The following PPL variants were observed in gnomAD, a reference collection of about 807,000 sequenced individuals.
PPL encodes the protein 190 kDa paraneoplastic pemphigus antigen.
PPL carries 198 observed loss-of-function variants against 194.4 expected under a neutral mutation model. The ratio of observed to expected loss-of-function variants is 1.02; its 90% CI spans 0.91 to 1.15. The LOEUF is 1.15. Among genes scored for constraint, PPL ranks in the 50% most tolerant of loss-of-function variants. PPL has a pLI of 0.00. For synonymous variants in PPL, 1,220 were observed against 972.4 expected (o/e 1.25, Z -4.74); for missense variants, 2,885 against 2,294.8 (o/e 1.26, Z -5.25).
rs145835578 is a variant in PPL, at chr16:4,919,974, T to C, written c.63-9025A>G. On this transcript the variant is annotated intron_variant, in intron 1 of 21. Transcript: ENST00000345988. ...AAGTGTATTTGTGGGGTGGGGGTAA[T>C]CAGGGTCACTTTTAGAAACACCTCA... Among the ~76,000 whole-genome samples, 145 of 151,584 alleles carry C rather than the reference T, an allele frequency of 9.6e-4. 2 individuals are homozygous for C. Among genetic ancestry groups the C allele is most frequent in the Middle Eastern group, 3.4e-3 (1 of 294 alleles).
At chr16:4,889,230 TTG>T (rs1555519103) in intron 18 of PPL, among the ~76,000 whole-genome samples, 169 bp from the exon 19 acceptor site, 2 of 68,294 alleles carry the variant, frequency 2.9e-5, no homozygotes, top group African/African-American at 8.8e-5. Context: ...GGCAGTTTTT[TTG>T]TTGTTGTTGT....
At chr16:4,893,133 G>A in intron 14 of PPL, 80 bp downstream of exon 14, 2 of 1,419,312 alleles carry the variant, frequency 1.4e-6, no homozygotes, top group African/African-American at 1.4e-5. Flanking sequence ...GACTCCATGG[G>A]GAAAAGACCT....
At position 4,888,172 on chromosome 16, in the gene PPL, T is replaced by C; in HGVS notation, c.2444A>G (p.Glu815Gly). The change falls in exon 20 of 22, where the codon GAG (glutamate) becomes GGG (glycine). Residue 815 changes from glutamate to glycine, a missense_variant. Glu to Gly is a moderately conservative substitution (Grantham distance 98). Transcript: ENST00000345988. ...AEKLRSLLDL[E>G]NGRRSHVSKR... Reference sequence around the variant, plus strand: ...GCTCACGTGGCTTCTCCTTCCATTCTCCAAGTCGAGAAGAGACCTTAGTTT... The same window carrying C: ...GCTCACGTGGCTTCTCCTTCCATTCCCCAAGTCGAGAAGAGACCTTAGTTT... 6.2e-7 allele frequency: 1 copy of C among 1,613,836 alleles called. No individual in the cohort carries two copies. Among genetic ancestry groups the C allele is most frequent in the Non-Finnish European group, 8.5e-7 (1 of 1,179,720 alleles).
Position 4,894,449 on chromosome 16 carries a change from C to A in PPL, c.1394+18G>T, listed in dbSNP as rs1333342356. On this transcript the variant is annotated intron_variant, in intron 12 of 21. Coordinates refer to ENST00000345988, the MANE Select transcript of PPL (RefSeq NM_002705.5). ...GGGTGGGACTGGTCCATGCAGACTC[C>A]CGCCTTTGCCCTTGTACCTGTCAGC... is the stretch of plus-strand genomic sequence containing the variant. The A allele has an allele frequency of 1.9e-6, 3 of 1,613,228 alleles. No individual in the cohort carries two copies. In the South Asian group the frequency reaches 3.3e-5, roughly 18 times the overall value.
Position 4,884,442 on chromosome 16 carries a change from C to T in PPL, c.4213G>A (p.Glu1405Lys). ...RRTELERQLE[E>K]LERERQARRE... ...CGGGCCTGCCGCTCGCGCTCTAGCTCCTCCAGCTGCCGCTCAAGCTCGGTG... is the reference window on the plus strand; with the variant it reads ...CGGGCCTGCCGCTCGCGCTCTAGCTTCTCCAGCTGCCGCTCAAGCTCGGTG... Residue 1405 changes from glutamate to lysine, a missense_variant, in exon 22 of 22, where the codon GAG becomes AAG. Glu to Lys is a moderately conservative substitution (Grantham distance 56). Transcript: ENST00000345988. The surrounding 1 kb of genome is among the most constrained non-coding windows in gnomAD (Gnocchi z 5.7). 2 of 1,602,124 alleles carry T rather than the reference C, an allele frequency of 1.2e-6. No individual in the cohort carries two copies. The highest frequency in any genetic ancestry group is 1.7e-6 in the Non-Finnish European group (2 of 1,177,026).
rs1017075644 is a variant in PPL, at chr16:4,910,102, G to C, written c.162+748C>G. On this transcript the variant is annotated intron_variant, in intron 2 of 21. Coordinates refer to ENST00000345988, the MANE Select transcript of PPL (RefSeq NM_002705.5). Reference sequence around the variant, plus strand: ...GAGAAGGTGACCATTCCAGCGGCTCGTGAGTCCCTCAGGGTACAGAGGCTT... The same window carrying C: ...GAGAAGGTGACCATTCCAGCGGCTCCTGAGTCCCTCAGGGTACAGAGGCTT... Among the ~76,000 whole-genome samples, 4 of 152,130 alleles carry C rather than the reference G, an allele frequency of 2.6e-5. No individual in the cohort carries two copies. The East Asian group carries it at 7.7e-4, about 29-fold the overall frequency.
intron 2 of PPL, among the ~76,000 whole-genome samples, chr16:4,906,969 G>A (rs1419444073): frequency 1.3e-5 from 2 of 151,996 alleles, no homozygotes; most frequent in Non-Finnish European, 2.9e-5. Flanking sequence ...CAGGGGCCAG[G>A]TGCAGTGGCT....
chr16:4,904,731 G>C (rs1339948073), intron 2 of PPL, among the ~76,000 whole-genome samples: 1 of 152,170 alleles, frequency 6.6e-6, no homozygotes, highest in Non-Finnish European at 1.5e-5. Context: ...GCTGCAAGGA[G>C]GGATCCTGCA....
chr16:4,929,013 TAAAAAAAAAAAAA>T (rs1167603474), intron 1 of PPL, among the ~76,000 whole-genome samples: 1 of 17,108 alleles, frequency 5.8e-5, no homozygotes, highest in African/African-American at 1.8e-4. Context: ...AACTCTACCT[TAAAAAAAAAAAAA>T]AAAAAAAAAA....
At position 4,912,974 on chromosome 16, in the gene PPL, T is replaced by G. The variant is rs182270132; in HGVS notation, c.63-2025A>C. ...CAAAAATTAGCTAGGTGTGGTGGCA[T>G]GCGCCTGTAGTCCCAGCTACTCGGG... On this transcript the variant is annotated intron_variant, in intron 1 of 21. Transcript: ENST00000345988. Among the ~76,000 whole-genome samples the G allele has an allele frequency of 6.1e-3, 924 of 151,950 alleles. 10 individuals are homozygous for G. The highest frequency in any genetic ancestry group is 0.02 in the African/African-American group (835 of 41,482).
rs1341943912 is a variant in PPL, at chr16:4,910,862, G to A, written c.150C>T (p.Ala50=). 1.9e-6 allele frequency: 3 copies of A among 1,613,936 alleles called. No individual in the cohort carries two copies. Among genetic ancestry groups the A allele is most frequent in the Admixed American group, 1.7e-5 (1 of 60,020 alleles). Residue 50 remains alanine (A), a synonymous_variant, in exon 2 of 22, where the codon GCC becomes GCT. Coordinates refer to ENST00000345988, the MANE Select transcript of PPL (RefSeq NM_002705.5). ...TGGGGGCACTCACACTCTGCATCTT[G>A]GCCTCTGTGTCCACGATGTTCTTCT... ...QVEKNIVDTE[A]KMQSDLARLQ... is the part of the protein sequence containing the mutation.
chr16:4,904,420 G>A (rs1038479582), intron 2 of PPL, among the ~76,000 whole-genome samples: 1 of 152,150 alleles, frequency 6.6e-6, no homozygotes, highest in Non-Finnish European at 1.5e-5. Context: ...GTCAAAGGAT[G>A]AGCCTCATGG....
chr16:4,919,121 C>T (rs952956845), intron 1 of PPL, among the ~76,000 whole-genome samples: 6 of 152,226 alleles, frequency 3.9e-5, no homozygotes, highest in Non-Finnish European at 5.9e-5. Context: ...CGAGGGTACA[C>T]GCCCAGCCCT....
chr16:4,902,466 C>T lies in PPL; in HGVS notation c.378G>A (p.Arg126=), dbSNP rs1274606034. The T allele has an allele frequency of 1.2e-6, 2 of 1,614,058 alleles. No individual in the cohort carries two copies. The highest frequency in any genetic ancestry group is 2.2e-5 in the East Asian group (1 of 44,882). ...NLRGKHKQIY[R]LAVKEVDPQV... ...GTGGATCCACTTCCTTCACCGCCAG[C>T]CTGTAGATCTGCTTGTGTTTCCCGC... The change falls in exon 4 of 22, where the codon AGG becomes AGA. Residue 126 remains arginine (R), a synonymous_variant. Coordinates refer to ENST00000345988, the MANE Select transcript of PPL (RefSeq NM_002705.5). The surrounding 1 kb of genome is among the most constrained non-coding windows in gnomAD (Gnocchi z 4.0).
At chr16:4,897,870 G>A in intron 8 of PPL, 100 bp from the exon 9 acceptor site, 3 of 869,008 alleles carry the variant, frequency 3.5e-6, no homozygotes, top group African/African-American at 1.7e-5. Context: ...GGGGGAGGGA[G>A]GCATCTGGCA....
chr16:4,908,986 G>C (rs1456277662), intron 2 of PPL, among the ~76,000 whole-genome samples: 2 of 152,188 alleles, frequency 1.3e-5, no homozygotes, highest in African/African-American at 2.4e-5. Context: ...ACCACCACAG[G>C]GGGCCTCAGA....
rs1226373518 is a variant in PPL at position 4,883,121 on chromosome 16, A to G, written c.*263T>C. The G allele has an allele frequency of 8.4e-6, 4 of 475,196 alleles. No individual in the cohort carries two copies. The highest frequency in any genetic ancestry group is 1.1e-5 in the Non-Finnish European group (3 of 262,494). 29.4% of individuals were successfully genotyped at this position (475,196 alleles called of 1,614,324 possible). ...GTTTGTTGCTGGGAGTGTACAGGAA[A>G]AGGGAGGAAAAGGCATCGCAGTTGT... On this transcript the variant is annotated 3_prime_UTR_variant, in exon 22 of 22. Transcript: ENST00000345988. The surrounding 1 kb of genome is among the most constrained non-coding windows in gnomAD (Gnocchi z 4.8).
At chr16:4,933,561 TCTGA>T (rs1198826383) in intron 1 of PPL, among the ~76,000 whole-genome samples, 2 of 152,200 alleles carry the variant, frequency 1.3e-5, no homozygotes, top group East Asian at 3.9e-4. Flanking sequence ...GCATCTGTGC[TCTGA>T]CTGTGACAAC....
intron 1 of PPL, among the ~76,000 whole-genome samples, chr16:4,933,262 G>A (rs1467791477): frequency 6.6e-6 from 1 of 152,040 alleles, no homozygotes; most frequent in South Asian, 2.1e-4. Context: ...TCCCCTCAAA[G>A]CCTGGGGTCC....
Sources: gnomAD v4.1 joint callset for allele counts (sites outside exome capture counted in the v4.1 genomes callset) on GRCh38, gnomAD v4.1.1 for gene constraint, Gnocchi (gnomAD v3.1) non-coding constraint, MANE v1.5 for transcripts, NCBI Gene and HGNC (gene_info 2026-07-23, HGNC 2026-07-21) for gene names.